The following TXN2 variants were observed in gnomAD, a reference collection of about 807,000 sequenced individuals.
TXN2 encodes the protein thioredoxin, mitochondrial.
A neutral mutation model predicts 14.6 loss-of-function variants in TXN2; 12 were observed. The ratio of observed to expected loss-of-function variants is 0.82; its 90% confidence interval spans 0.53 to 1.33. The LOEUF (loss-of-function observed/expected upper bound fraction) is 1.33, where lower values mean the gene tolerates loss of function less well. Ranked by LOEUF, TXN2 falls within the 40% of genes most tolerant of loss-of-function variation. The pLI, the probability that TXN2 is intolerant of heterozygous loss-of-function variation, is 0.00. For synonymous variants in TXN2, 89 were observed against 81.0 expected (o/e 1.10, Z -0.53); for missense variants, 173 against 207.7 (o/e 0.83, Z 1.03).
At position 36,480,574 on chromosome 22, in the gene TXN2, CTG is replaced by C. The variant is rs1338027336; in HGVS notation, c.262_263del (p.Gln88ValfsTer31). Reference protein sequence around the residue: ...ETPVVVDFHAQWCGPCKILGP... With the variant: ...ETPVVVDFHAXWCGPCKILGP... ...GTCTTCTGTGGACCCCCAATACTCACTGTGCGTGGAAATCCACAACCACTGGT... is the reference window on the plus strand; with the variant it reads ...GTCTTCTGTGGACCCCCAATACTCACTGCGTGGAAATCCACAACCACTGGT... On this transcript the variant is annotated frameshift_variant and splice_region_variant, in exon 2 of 4. Coordinates refer to ENST00000216185, the MANE Select transcript of TXN2 (RefSeq NM_012473.4). LOFTEE classifies it high-confidence loss of function. 1 of 1,612,722 alleles carries C rather than the reference CTG, an allele frequency of 6.2e-7. No homozygotes were observed. The highest frequency in any genetic ancestry group is 1.3e-5 in the African/African-American group (1 of 75,046).
Position 36,467,328 on chromosome 22 carries a change from C to A in TXN2, c.*476G>T, listed in dbSNP as rs139999. 8,689 of 163,854 alleles carry A rather than the reference C, an allele frequency of 0.053. 279 individuals are homozygous for A. Among genetic ancestry groups the A allele is most frequent in the Middle Eastern group, 0.097 (30 of 310 alleles). The allele number at this position is 163,854 out of a possible 1,614,324, so 10.2% of individuals were successfully genotyped here. ...GATGACTAAGTTCTTTATCACAGAC[C>A]TACAAAAAATGAGATAATTAGATAT... On this transcript the variant is annotated 3_prime_UTR_variant, in exon 4 of 4. Coordinates refer to ENST00000216185, the MANE Select transcript of TXN2 (RefSeq NM_012473.4).
chr22:36,469,073 CATAA>C (rs1933219434), intron 3 of TXN2, among the ~76,000 whole-genome samples: 1 of 132,162 alleles, frequency 7.6e-6, no homozygotes, highest in African/African-American at 3.6e-5. Context: ...TAAATAAATA[CATAA>C]ATAAAGCAGA....
chr22:36,474,296 G>A (rs968546017), intron 3 of TXN2, among the ~76,000 whole-genome samples: 1 of 152,174 alleles, frequency 6.6e-6, no homozygotes, highest in Non-Finnish European at 1.5e-5. Flanking sequence ...TTGTCTGCCT[G>A]GTCTCCATCT....
At chr22:36,475,399 T>C (rs1258710309) in intron 3 of TXN2, among the ~76,000 whole-genome samples, 1 of 152,186 alleles carries the variant, frequency 6.6e-6, no homozygotes, top group African/African-American at 2.4e-5. Context: ...AAACCCTGCC[T>C]CATACGCAGT....
chr22:36,481,524 G>A (rs1187769055), intron 1 of TXN2, 40 bp downstream of exon 1: 1 of 976,408 alleles, frequency 1.0e-6, no homozygotes, highest in Non-Finnish European at 1.2e-6. Flanking sequence ...GCATGCCTCA[G>A]CCGCGACACC....
chr22:36,467,535 T>C lies in TXN2; in HGVS notation c.*269A>G. Reference sequence around the variant, plus strand: ...GGCTGGCCCAGGCTCTCGCCACACATCCTGGGAGAACTGCCATAGGCCCTA... The same window carrying C: ...GGCTGGCCCAGGCTCTCGCCACACACCCTGGGAGAACTGCCATAGGCCCTA... On this transcript the variant is annotated 3_prime_UTR_variant, in exon 4 of 4. Coordinates refer to ENST00000216185, the MANE Select transcript of TXN2 (RefSeq NM_012473.4). 2.3e-6 allele frequency: 1 copy of C among 431,698 alleles called. No homozygotes were observed. The highest frequency in any genetic ancestry group is 4.6e-5 in the East Asian group (1 of 21,974). The allele number at this position is 431,698 out of a possible 1,614,324, so 26.7% of individuals were successfully genotyped here.
In TXN2 at chr22:36,480,832, A is replaced by G. The variant is rs1933486270; in HGVS notation, c.6T>C (p.Ala2=). M[A]QRLLLRRFLA... is the part of the protein sequence containing the mutation. ...GGAACCTCCTCAGAAGAAGTCGCTG[A>G]GCCATCTGTGAGGGAAAGAGGCAGA... is the stretch of plus-strand genomic sequence containing the variant. Residue 2 remains alanine, a synonymous_variant, in exon 2 of 4, where the codon GCT becomes GCC. Coordinates refer to ENST00000216185, the MANE Select transcript of TXN2 (RefSeq NM_012473.4). 1 of 1,566,054 alleles carries G rather than the reference A, an allele frequency of 6.4e-7. No individual in the cohort carries two copies. Among genetic ancestry groups the G allele is most frequent in the East Asian group, 2.3e-5 (1 of 44,326 alleles).
chr22:36,480,700 G>A lies in TXN2; in HGVS notation c.138C>T (p.Pro46=). ...QCSPGGLTVT[P]NPARTIYTTR... ...TGGTGTATATTGTCCGGGCTGGGTT[G>A]GGTGTTACAGTCAGGCCACCAGGAC... The change falls in exon 2 of 4, where the codon CCC becomes CCT. Residue 46 remains proline (P), a synonymous_variant. Coordinates refer to ENST00000216185, the MANE Select transcript of TXN2 (RefSeq NM_012473.4). 6.2e-7 allele frequency: 1 copy of A among 1,614,118 alleles called. No individual in the cohort carries two copies.
chr22:36,471,894 C>T (rs1003982090), intron 3 of TXN2, among the ~76,000 whole-genome samples: 4 of 147,984 alleles, frequency 2.7e-5, no homozygotes, highest in South Asian at 2.2e-4. Flanking sequence ...TGCTTGAATG[C>T]GGGAGATGGA....
intron 3 of TXN2, among the ~76,000 whole-genome samples, chr22:36,471,189 G>A (rs531180291): frequency 6.6e-6 from 1 of 152,320 alleles, no homozygotes; most frequent in East Asian, 1.9e-4. Flanking sequence ...GAGTGTGAAA[G>A]AGGCAGTGAC....
intron 3 of TXN2, among the ~76,000 whole-genome samples, chr22:36,472,024 G>A (rs1014257073): frequency 6.0e-5 from 9 of 150,882 alleles, no homozygotes; most frequent in African/African-American, 2.2e-4. Flanking sequence ...TGACTTTGCA[G>A]TCCAGGGGAT....
intron 3 of TXN2, among the ~76,000 whole-genome samples, chr22:36,469,293 C>T (rs1933224255): frequency 6.6e-6 from 1 of 152,202 alleles, no homozygotes; most frequent in South Asian, 2.1e-4. Flanking sequence ...GGCATTGTGC[C>T]TGGCATACTG....
At chr22:36,467,943 A>G (rs1343877364) in intron 3 of TXN2, 26 bp from the exon 4 acceptor site, 2 of 1,596,944 alleles carry the variant, frequency 1.3e-6, no homozygotes, top group Non-Finnish European at 1.7e-6. Flanking sequence ...AAGGGGGTCC[A>G]AGTGAATTGG....
upstream of TXN2, chr22:36,481,640 C>CG (rs1555885385): frequency 0.011 from 10,537 of 949,146 alleles, 253 homozygotes; most frequent in East Asian, 0.061. Context: ...GTCACTTCCT[C>CG]GGGGGGGGAC....
At position 36,468,639 on chromosome 22, in the gene TXN2, C is replaced by T. The variant is rs576739873; in HGVS notation, c.388-722G>A. On this transcript the variant is annotated intron_variant, in intron 3 of 3. Transcript: ENST00000216185. Reference sequence around the variant, plus strand: ...ACTCGGGAGGCTGAGGCAGGAGGATCGCTTGAGCCTGGGAGACTGAGGCTT... The same window carrying T: ...ACTCGGGAGGCTGAGGCAGGAGGATTGCTTGAGCCTGGGAGACTGAGGCTT... The T allele has an allele frequency of 3.1e-5, 14 of 448,538 alleles. No individual in the cohort carries two copies. The East Asian group carries it at 5.8e-4, about 19-fold the overall frequency. 27.8% of individuals were successfully genotyped at this position (448,538 alleles called of 1,614,324 possible). A position where few individuals can be genotyped will look rare whatever the true frequency, so the allele number is the denominator to read the frequency against.
chr22:36,476,230 G>T (rs1389931694), intron 3 of TXN2, among the ~76,000 whole-genome samples: 2 of 152,158 alleles, frequency 1.3e-5, no homozygotes, highest in Non-Finnish European at 2.9e-5. Flanking sequence ...TCCTAAAGGT[G>T]GTGAAGAGAG....
intron 3 of TXN2, among the ~76,000 whole-genome samples, chr22:36,473,709 C>A (rs1042013277): frequency 6.6e-6 from 1 of 152,172 alleles, no homozygotes; most frequent in African/African-American, 2.4e-5. Context: ...TTCTGTGTGA[C>A]AGCACAGTCC....
chr22:36,476,007 T>C (rs975598879), intron 3 of TXN2, among the ~76,000 whole-genome samples: 1 of 152,158 alleles, frequency 6.6e-6, no homozygotes, highest in Non-Finnish European at 1.5e-5. Flanking sequence ...CACTTCTATA[T>C]TGAGATGATC....
At chr22:36,474,271 T>C (rs1002859305) in intron 3 of TXN2, among the ~76,000 whole-genome samples, 6 of 152,174 alleles carry the variant, frequency 3.9e-5, no homozygotes, top group African/African-American at 7.2e-5. Context: ...TGGTCACCTG[T>C]AGTGGCCACC....
Sources: allele counts gnomAD v4.1 joint callset (sites outside exome capture counted in the v4.1 genomes callset), GRCh38; gene constraint gnomAD v4.1.1; transcripts MANE v1.5; gene names NCBI Gene and HGNC (gene_info 2026-07-23, HGNC 2026-07-21).